TACC2: variants seen among roughly 807,000 people sequenced by gnomAD.
The protein encoded by TACC2 is transforming acidic coiled-coil-containing protein 2.
A neutral mutation model predicts 227.3 loss-of-function variants in TACC2; 137 were observed. The ratio of observed to expected loss-of-function variants is 0.60; its 90% CI spans 0.52 to 0.69. TACC2 has a LOEUF of 0.69. Among genes scored for constraint, TACC2 ranks in the 30% least tolerant of loss-of-function variants. TACC2 has a pLI of 0.00. For missense variants in TACC2, 3,470 were observed against 3,694.4 expected (o/e 0.94, Z 1.57); for synonymous variants, 1,523 against 1,487.5 (o/e 1.02, Z -0.55).
At chr10:122,248,872 G>T in intron 20 of TACC2, 69 bp downstream of exon 20, 1 of 1,595,350 alleles carries the variant, frequency 6.3e-7, no homozygotes. Flanking sequence ...GCACTGGGAG[G>T]GGGTAGGATT....
rs543278869 is a variant in TACC2 at position 122,200,738 on chromosome 10, C to G, written c.5971+5562C>G. ...CGGCGACCTCACCTGCCCACAGTGG[C>G]CGTGTTCACATGGGGAGGACGGCCA... is the stretch of plus-strand genomic sequence containing the variant. On this transcript the variant is annotated intron_variant, in intron 8 of 22. Transcript: ENST00000369005. 7.2e-4 allele frequency among the ~76,000 whole-genome samples: 106 copies of G among 147,340 alleles called. 1 individual carries two copies. Among genetic ancestry groups the G allele is most frequent in the Non-Finnish European group, 1.4e-3 (93 of 67,308 alleles).
intron 8 of TACC2, among the ~76,000 whole-genome samples, chr10:122,204,915 G>A (rs1401498620): frequency 5.9e-5 from 9 of 151,616 alleles, no homozygotes; most frequent in African/African-American, 1.7e-4. Context: ...TGAACCGCCC[G>A]CACAGCACAG....
rs2091962717 is a variant in TACC2, at chr10:122,150,810, CCTTT to C, written c.5834+7108_5834+7111del. On this transcript the variant is annotated intron_variant, in intron 7 of 22. Coordinates refer to ENST00000369005, the MANE Select transcript of TACC2 (RefSeq NM_206862.4). This position sits in a 1 kb window ranked among gnomAD's most constrained non-coding sequence, Gnocchi z 4.0. ...GTGGAGTCATGCAGCGTTCCTGGGT[CCTTT>C]CTTCTGCTTTGTTTGCATTTTTTGA... 6.6e-6 allele frequency among the ~76,000 whole-genome samples: 1 copy of C among 152,194 alleles called. No individual in the cohort carries two copies. Among genetic ancestry groups the C allele is most frequent in the Non-Finnish European group, 1.5e-5 (1 of 68,046 alleles).
chr10:122,061,200 G>A (rs4537702), intron 3 of TACC2, among the ~76,000 whole-genome samples: 103,771 of 146,856 alleles, frequency 0.71, 37,790 homozygotes, highest in Non-Finnish European at 0.8. Context: ...AGTCCCAGCT[G>A]CTTGGGAGGC....
chr10:122,194,157 C>G lies in TACC2; in HGVS notation c.5835-883C>G, dbSNP rs536010036. Among the ~76,000 whole-genome samples the G allele has an allele frequency of 5.4e-4, 82 of 152,282 alleles. No homozygotes were observed. The highest frequency in any genetic ancestry group is 1.8e-3 in the African/African-American group (76 of 41,564). On this transcript the variant is annotated intron_variant, in intron 7 of 22. Coordinates refer to ENST00000369005, the MANE Select transcript of TACC2 (RefSeq NM_206862.4). The surrounding 1 kb of genome is among the most constrained non-coding windows in gnomAD (Gnocchi z 4.4). ...CAGGCTGGTCTCAAATGCCTGACAT[C>G]AAGCGATCCTCCCACCTGAGTCTCC...
intron 2 of TACC2, among the ~76,000 whole-genome samples, chr10:122,036,338 G>A (rs1250722186): frequency 6.6e-6 from 1 of 151,658 alleles, no homozygotes; most frequent in Non-Finnish European, 1.5e-5. Context: ...GACTACAGGT[G>A]CCTGCCACCA....
At chr10:122,193,968 G>A (rs563640775) in intron 7 of TACC2, among the ~76,000 whole-genome samples, 121 of 152,100 alleles carry the variant, frequency 8.0e-4, no homozygotes, top group Non-Finnish European at 1.4e-3. Flanking sequence ...CCTAGGCTGG[G>A]ATGCACTGGC....
At chr10:122,038,148 T>C (rs546018282) in intron 2 of TACC2, among the ~76,000 whole-genome samples, 8 of 152,200 alleles carry the variant, frequency 5.3e-5, no homozygotes, top group African/African-American at 1.9e-4. Flanking sequence ...TGGTCCCAGC[T>C]ATTTGGGAGG....
At chr10:122,154,389 C>G (rs2092323641) in intron 7 of TACC2, among the ~76,000 whole-genome samples, 1 of 152,214 alleles carries the variant, frequency 6.6e-6, no homozygotes, top group Non-Finnish European at 1.5e-5. Context: ...AGTAGCAATC[C>G]TTCATGTCTT....
intron 19 of TACC2, chr10:122,248,357 T>C (rs953090521): frequency 2.5e-5 from 9 of 355,622 alleles, no homozygotes; most frequent in African/African-American, 1.8e-4. Context: ...GACACCAATA[T>C]AGACCTGTGA....
At chr10:122,054,139 G>T (rs1182606363) in intron 3 of TACC2, among the ~76,000 whole-genome samples, 1 of 152,156 alleles carries the variant, frequency 6.6e-6, no homozygotes, top group Non-Finnish European at 1.5e-5. Context: ...TAGAACATGG[G>T]GTTTACTCAT....
At chr10:122,127,415 C>A (rs1310511061) in intron 5 of TACC2, among the ~76,000 whole-genome samples, 1 of 152,202 alleles carries the variant, frequency 6.6e-6, no homozygotes, top group East Asian at 1.9e-4. Context: ...CCTTTTTGGA[C>A]AGAGTCCATT....
chr10:122,035,226 C>T (rs372569471), intron 2 of TACC2, among the ~76,000 whole-genome samples: 24 of 152,234 alleles, frequency 1.6e-4, no homozygotes, highest in African/African-American at 4.8e-4. Context: ...CGTGATGTGA[C>T]GTGGATATGG....
At position 122,086,146 on chromosome 10, in the gene TACC2, G is replaced by C. The variant is rs2080074976; in HGVS notation, c.3646G>C (p.Val1216Leu). 6.2e-7 allele frequency: 1 copy of C among 1,613,608 alleles called. No homozygotes were observed. Among genetic ancestry groups the C allele is most frequent in the Non-Finnish European group, 8.5e-7 (1 of 1,179,988 alleles). The change falls in exon 4 of 23, where the codon GTC becomes CTC. Residue 1216 changes from valine (V) to leucine (L), a missense_variant. Coordinates refer to ENST00000369005, the MANE Select transcript of TACC2 (RefSeq NM_206862.4). ...CATGGATTTTTCTACACACCAGGCT[G>C]TCCCAGACCCAAAGGAGCTCCTGCT... is the stretch of plus-strand genomic sequence containing the variant. ...STMDFSTHQAVPDPKELLLSG... is the reference protein window; with the variant it reads ...STMDFSTHQALPDPKELLLSG...
At chr10:122,114,241 A>G (rs886334982) in intron 5 of TACC2, among the ~76,000 whole-genome samples, 1 of 151,748 alleles carries the variant, frequency 6.6e-6, no homozygotes, top group South Asian at 2.1e-4. Flanking sequence ...ACCGGAGAGA[A>G]CTCTCCCCAT....
At chr10:122,196,879 T>C (rs1216436276) in intron 8 of TACC2, among the ~76,000 whole-genome samples, 1 of 135,296 alleles carries the variant, frequency 7.4e-6, no homozygotes, top group African/African-American at 2.8e-5. Flanking sequence ...GAGTTTGCAG[T>C]GAGCGGAGAT....
At chr10:122,240,720 C>T (rs1050546395) in intron 18 of TACC2, among the ~76,000 whole-genome samples, 5 of 152,176 alleles carry the variant, frequency 3.3e-5, no homozygotes, top group African/African-American at 1.2e-4. Context: ...CAGTTATCCG[C>T]TCTTGGTTCT....
At chr10:122,158,437 A>G (rs2092625652) in intron 7 of TACC2, among the ~76,000 whole-genome samples, 1 of 152,054 alleles carries the variant, frequency 6.6e-6, no homozygotes. Context: ...AAAAAACAAA[A>G]GTCAGTCTCA....
chr10:121,991,654 G>A (rs1953032258), intron 1 of TACC2, among the ~76,000 whole-genome samples: 1 of 152,206 alleles, frequency 6.6e-6, no homozygotes, highest in Admixed American at 6.5e-5. Flanking sequence ...ATACAGAGAT[G>A]TCTGCAGGTT....
Sources: allele counts gnomAD v4.1 joint callset (sites outside exome capture counted in the v4.1 genomes callset), GRCh38; gene constraint gnomAD v4.1.1; non-coding constraint Gnocchi (gnomAD v3.1); transcripts MANE v1.5; gene names NCBI Gene and HGNC (gene_info 2026-07-23, HGNC 2026-07-21).